Variants in ZFAT observed in about 807,000 individuals in gnomAD.
ZFAT encodes zinc finger and AT-hook domain containing, also known as zinc finger protein ZFAT.
A neutral mutation model predicts 117.7 loss-of-function variants in ZFAT; 64 were observed. That is an observed-to-expected ratio of 0.54 (90% confidence interval 0.44 to 0.67). The LOEUF (loss-of-function observed/expected upper bound fraction) is 0.67. Among genes scored for constraint, ZFAT ranks in the 30% least tolerant of loss-of-function variants. The pLI is 0.00. For missense variants in ZFAT, 1,433 were observed against 1,584.5 expected (o/e 0.90, Z 1.62); for synonymous variants, 679 against 615.0 (o/e 1.10, Z -1.54).
chr8:134,550,334 A>G (rs945243647), intron 11 of ZFAT, among the ~76,000 whole-genome samples: 2 of 148,172 alleles, frequency 1.3e-5, no homozygotes, highest in Non-Finnish European at 3.0e-5. Context: ...AAAAAAAAAC[A>G]GCACAGGGTA....
Position 134,601,627 on chromosome 8 carries a change from G to A in ZFAT, c.2092C>T (p.Gln698Ter), listed in dbSNP as rs1488800897. The change falls in exon 6 of 16, where the codon CAG (glutamine) becomes TAG (stop). Residue 698 changes from glutamine to a stop codon, truncating the protein, a stop_gained. Transcript: ENST00000377838. LOFTEE classifies it high-confidence loss of function. ...GGGGCAGCTTTGCAAGAGTCAGGCT[G>A]ATGTGTGATGGTGTCCCCACCACCA... Reference protein sequence around the residue: ...VAGGGDTITHQPDSCKAAPEH... With the variant: ...VAGGGDTITH 6.2e-7 allele frequency: 1 copy of A among 1,614,246 alleles called. No homozygotes were observed. Among genetic ancestry groups the A allele is most frequent in the Admixed American group, 1.7e-5 (1 of 60,028 alleles).
the ZFAT span, among the ~76,000 whole-genome samples, chr8:134,821,657 T>C: frequency 1.3e-5 from 2 of 152,254 alleles, no homozygotes; most frequent in South Asian, 4.1e-4. Flanking sequence ...ATAAGAAGTT[T>C]CACATACATA....
intron 1 of ZFAT, among the ~76,000 whole-genome samples, chr8:134,661,514 G>A (rs974919804): frequency 6.6e-6 from 1 of 152,210 alleles, no homozygotes; most frequent in Non-Finnish European, 1.5e-5. Flanking sequence ...TAGAATGTGA[G>A]GTCATTGGAA....
chr8:134,528,372 CA>C (rs1821165780), intron 12 of ZFAT, among the ~76,000 whole-genome samples: 1 of 152,160 alleles, frequency 6.6e-6, no homozygotes, highest in African/African-American at 2.4e-5. Context: ...AAGCATGTGC[CA>C]AGAACTTATT....
intron 12 of ZFAT, among the ~76,000 whole-genome samples, chr8:134,526,860 G>T (rs1447535836): frequency 1.3e-5 from 2 of 150,156 alleles, no homozygotes; most frequent in Admixed American, 6.6e-5. Flanking sequence ...ATTTTTTTTT[G>T]AGATGAGCCA....
At chr8:134,829,721 A>C in the ZFAT span, among the ~76,000 whole-genome samples, 1 of 152,202 alleles carries the variant, frequency 6.6e-6, no homozygotes, top group Non-Finnish European at 1.5e-5. Flanking sequence ...CAAATTTCTT[A>C]AAGTAGAGCA....
chr8:134,764,367 T>C, the ZFAT span, among the ~76,000 whole-genome samples: 1 of 152,262 alleles, frequency 6.6e-6, no homozygotes, highest in Admixed American at 6.5e-5. Context: ...AGAAGTTAAA[T>C]TGCTTGTAGT....
At chr8:134,588,217 G>A (rs935599821) in intron 9 of ZFAT, 29 bp downstream of exon 9, 1 of 1,525,690 alleles carries the variant, frequency 6.6e-7, no homozygotes, top group African/African-American at 1.4e-5. Context: ...AATTAGAAAG[G>A]TGCCCAATTT....
chr8:134,632,590 A>T (rs78992785), intron 3 of ZFAT, among the ~76,000 whole-genome samples: 2,205 of 152,178 alleles, frequency 0.014, 46 homozygotes, highest in African/African-American at 0.05. Context: ...CATTTTTTTT[A>T]AATTGGAGGG....
At chr8:134,770,934 C>CA in the ZFAT span, among the ~76,000 whole-genome samples, 1 of 140,982 alleles carries the variant, frequency 7.1e-6, no homozygotes, top group African/African-American at 2.8e-5. Flanking sequence ...TTGGTCAGAC[C>CA]GATTGATCTC....
At chr8:134,738,017 C>A in the ZFAT span, among the ~76,000 whole-genome samples, 1 of 152,156 alleles carries the variant, frequency 6.6e-6, no homozygotes, top group Non-Finnish European at 1.5e-5. Flanking sequence ...GGGCATCTCA[C>A]TTCCTCTCAT....
chr8:134,817,148 C>T, the ZFAT span, among the ~76,000 whole-genome samples: 1 of 152,044 alleles, frequency 6.6e-6, no homozygotes, highest in Non-Finnish European at 1.5e-5. Flanking sequence ...ATGTGATTAA[C>T]GATAACAATC....
In ZFAT at chr8:134,537,835, C is replaced by A. The variant is rs77637790; in HGVS notation, c.2977-4863G>T. Among the ~76,000 whole-genome samples the A allele has an allele frequency of 2.9e-3, 442 of 152,210 alleles. 3 individuals carry two copies. Among genetic ancestry groups the A allele is most frequent in the African/African-American group, 0.01 (420 of 41,534 alleles). On this transcript the variant is annotated intron_variant, in intron 11 of 15. Coordinates refer to ENST00000377838, the MANE Select transcript of ZFAT (RefSeq NM_020863.4). ...TTTAAGAGAGGTGAAGAAGGTAAAA[C>A]CAGTCAGACCTGATGGCTGGGATGA...
intron 2 of ZFAT, among the ~76,000 whole-genome samples, chr8:134,653,281 AAAAAAAAAAAC>A (rs759586030): frequency 0.049 from 6,658 of 135,036 alleles, 492 homozygotes; most frequent in African/African-American, 0.15. Flanking sequence ...AAAAAAAAAA[AAAAAAAAAAAC>A]AAAAAACAGG....
At chr8:134,674,387 A>G (rs1832696037) in intron 1 of ZFAT, among the ~76,000 whole-genome samples, 1 of 152,184 alleles carries the variant, frequency 6.6e-6, no homozygotes, top group Non-Finnish European at 1.5e-5. Context: ...TCTGAGGCCA[A>G]CCTGGGATGC....
chr8:134,655,581 G>C (rs1451666973), intron 2 of ZFAT, among the ~76,000 whole-genome samples: 1 of 151,542 alleles, frequency 6.6e-6, no homozygotes, highest in Admixed American at 6.6e-5. Flanking sequence ...CCAAAAGGTG[G>C]AGGTGGCAGT....
chr8:134,496,154 C>T (rs1349026843), intron 15 of ZFAT, among the ~76,000 whole-genome samples: 5 of 152,232 alleles, frequency 3.3e-5, no homozygotes, highest in African/African-American at 1.2e-4. Context: ...GGCACAGGGC[C>T]AGTGGCTTCA....
At chr8:134,574,419 C>A (rs1348572155) in intron 10 of ZFAT, among the ~76,000 whole-genome samples, 2 of 151,950 alleles carry the variant, frequency 1.3e-5, no homozygotes, top group East Asian at 3.9e-4. Context: ...GTATGTGCGG[C>A]ACCTGTTGTT....
chr8:134,529,078 T>C (rs780054438), intron 12 of ZFAT, among the ~76,000 whole-genome samples: 3 of 152,166 alleles, frequency 2.0e-5, no homozygotes, highest in African/African-American at 4.8e-5. Context: ...TTTGGTGGTA[T>C]ATAAACCAAG....
Sources: allele counts gnomAD v4.1 joint callset (sites outside exome capture counted in the v4.1 genomes callset), GRCh38; gene constraint gnomAD v4.1.1; transcripts MANE v1.5; gene names NCBI Gene and HGNC (gene_info 2026-07-23, HGNC 2026-07-21).